Variants in SLC9A9 observed in about 807,000 individuals in gnomAD.
SLC9A9 encodes the protein solute carrier family 9 member A9.
A neutral mutation model predicts 77.8 loss-of-function variants in SLC9A9; 62 were observed. The observed-to-expected ratio is 0.80, with a 90% confidence interval of 0.65 to 0.98. The LOEUF is 0.98. SLC9A9 is among the 50% of genes least tolerant of loss of function. SLC9A9 has a pLI of 0.00. For missense variants in SLC9A9, 775 were observed against 774.9 expected (o/e 1.00, Z 0.00); for synonymous variants, 320 against 283.5 (o/e 1.13, Z -1.29).
At chr3:143,734,432 G>C (rs1166256713) in intron 4 of SLC9A9, among the ~76,000 whole-genome samples, 1 of 152,116 alleles carries the variant, frequency 6.6e-6, no homozygotes, top group Non-Finnish European at 1.5e-5. Context: ...TGGGTGGGGA[G>C]GTGATAGGTA....
At chr3:143,446,373 A>G (rs1184818246) in intron 12 of SLC9A9, among the ~76,000 whole-genome samples, 1 of 152,150 alleles carries the variant, frequency 6.6e-6, no homozygotes, top group Non-Finnish European at 1.5e-5. Context: ...CGAATTGGAA[A>G]GATGATCTGC....
chr3:143,422,372 G>A (rs942740766), intron 12 of SLC9A9, among the ~76,000 whole-genome samples: 3 of 152,182 alleles, frequency 2.0e-5, no homozygotes, highest in Non-Finnish European at 2.9e-5. Context: ...CGGTGGATTG[G>A]ATAAAGAAAA....
At chr3:143,418,758 T>C (rs2034244677) in intron 12 of SLC9A9, among the ~76,000 whole-genome samples, 1 of 152,162 alleles carries the variant, frequency 6.6e-6, no homozygotes, top group Non-Finnish European at 1.5e-5. Context: ...AATTTCAGTC[T>C]TGAGATCATG....
chr3:143,432,568 C>T (rs756575086), intron 12 of SLC9A9, among the ~76,000 whole-genome samples: 11 of 152,074 alleles, frequency 7.2e-5, no homozygotes, highest in African/African-American at 2.2e-4. Context: ...AAGCAGGCTG[C>T]CCTGGAATCA....
At chr3:143,603,602 C>T (rs539745923) in intron 6 of SLC9A9, among the ~76,000 whole-genome samples, 1 of 152,304 alleles carries the variant, frequency 6.6e-6, no homozygotes, top group African/African-American at 2.4e-5. Context: ...ATCCTTTGGT[C>T]CTGGTCAAGT....
intron 12 of SLC9A9, among the ~76,000 whole-genome samples, chr3:143,432,769 A>G (rs572156474): frequency 6.6e-6 from 1 of 152,346 alleles, no homozygotes; most frequent in Non-Finnish European, 1.5e-5. Flanking sequence ...CTCGGACTAC[A>G]GGTATATACC....
Position 143,607,690 on chromosome 3 carries a change from C to T in SLC9A9, c.756-28967G>A, listed in dbSNP as rs141016973. On this transcript the variant is annotated intron_variant, in intron 6 of 15. Transcript: ENST00000316549. ...AATAGAACAACAACAACAAAAGGGA[C>T]ATAGAGAATTCAATAATCAATCCAA... Among the ~76,000 whole-genome samples, 167 of 151,730 alleles carry T rather than the reference C, an allele frequency of 1.1e-3. 1 individual carries two copies. Among genetic ancestry groups the T allele is most frequent in the African/African-American group, 3.9e-3 (162 of 41,408 alleles).
intron 14 of SLC9A9, among the ~76,000 whole-genome samples, chr3:143,355,047 A>G (rs900006837): frequency 1.3e-5 from 2 of 152,240 alleles, no homozygotes; most frequent in Non-Finnish European, 2.9e-5. Flanking sequence ...TATAAGTTAG[A>G]AAAGTCATAA....
At chr3:143,676,321 C>A (rs758745158) in intron 5 of SLC9A9, among the ~76,000 whole-genome samples, 1 of 152,094 alleles carries the variant, frequency 6.6e-6, no homozygotes, top group African/African-American at 2.4e-5. Context: ...TACTAAAATT[C>A]TCATTATAAC....
chr3:143,732,762 A>C (rs1174548256), intron 4 of SLC9A9, among the ~76,000 whole-genome samples: 1 of 152,230 alleles, frequency 6.6e-6, no homozygotes, highest in Non-Finnish European at 1.5e-5. Flanking sequence ...TCTTTTATAA[A>C]GGAGATTTTC....
At chr3:143,572,778 G>T (rs2037287148) in intron 8 of SLC9A9, among the ~76,000 whole-genome samples, 1 of 152,164 alleles carries the variant, frequency 6.6e-6, no homozygotes. Flanking sequence ...TGGACTGTGT[G>T]GTTCTGCAGT....
At chr3:143,728,799 G>C (rs547994401) in intron 4 of SLC9A9, among the ~76,000 whole-genome samples, 2 of 152,106 alleles carry the variant, frequency 1.3e-5, no homozygotes, top group Middle Eastern at 3.4e-3. Context: ...ATTGAATTAG[G>C]GGGTGGAGGA....
chr3:143,519,186 T>C (rs535983880), intron 9 of SLC9A9, among the ~76,000 whole-genome samples: 2 of 152,124 alleles, frequency 1.3e-5, no homozygotes, highest in Admixed American at 1.3e-4. Context: ...TATTAGATAG[T>C]TACAAGAGCT....
At chr3:143,551,964 T>C (rs1354004791) in intron 9 of SLC9A9, among the ~76,000 whole-genome samples, 2 of 152,206 alleles carry the variant, frequency 1.3e-5, no homozygotes, top group Non-Finnish European at 2.9e-5. Flanking sequence ...TTGCTTGGCA[T>C]CAAAAGCACC....
At chr3:143,785,380 C>G (rs1057495013) in intron 4 of SLC9A9, among the ~76,000 whole-genome samples, 6 of 152,128 alleles carry the variant, frequency 3.9e-5, no homozygotes, top group African/African-American at 1.4e-4. Context: ...TGGATTAAAA[C>G]CCCACCTGTG....
chr3:143,629,489 A>G (rs116598308), intron 6 of SLC9A9, among the ~76,000 whole-genome samples: 36 of 152,234 alleles, frequency 2.4e-4, no homozygotes, highest in African/African-American at 8.4e-4. Context: ...TTCATTATTG[A>G]TCTGAAATTC....
At chr3:143,505,543 G>A (rs838604) in intron 9 of SLC9A9, among the ~76,000 whole-genome samples, 4,255 of 152,260 alleles carry the variant, frequency 0.028, 141 homozygotes, top group East Asian at 0.15. Context: ...CCACTTAAGC[G>A]TTCAGAGAGC....
chr3:143,571,323 T>G (rs1371115468), intron 8 of SLC9A9, among the ~76,000 whole-genome samples: 2 of 152,226 alleles, frequency 1.3e-5, no homozygotes, highest in African/African-American at 4.8e-5. Context: ...AGAAATCATT[T>G]TTTTAAGTTT....
intron 9 of SLC9A9, among the ~76,000 whole-genome samples, chr3:143,535,846 C>T (rs2036582139): frequency 1.3e-5 from 2 of 152,092 alleles, no homozygotes; most frequent in South Asian, 4.1e-4. Flanking sequence ...TCAAAGTGTA[C>T]CTTAGCCATA....
Sources: allele counts gnomAD v4.1 joint callset (sites outside exome capture counted in the v4.1 genomes callset), GRCh38; gene constraint gnomAD v4.1.1; transcripts MANE v1.5; gene names NCBI Gene and HGNC (gene_info 2026-07-23, HGNC 2026-07-21).